The following FPR3 variants were observed in gnomAD, a reference collection of about 807,000 sequenced individuals.
FPR3 encodes formyl peptide receptor 3.
For synonymous variants in FPR3, 135 were observed against 163.6 expected, an observed-to-expected ratio of 0.83 and a Z score of 1.34; for missense variants, 346 against 443.2, an observed-to-expected ratio of 0.78 and a Z score of 1.97.
At chr19:51,817,912 C>A (rs998263792) in intron 1 of FPR3, 1 of 152,190 alleles carries the variant, frequency 6.6e-6, no homozygotes, top group Admixed American at 6.5e-5. Context: ...AACTCTGGAG[C>A]AGGGCTGTGC....
chr19:51,824,556 G>C lies in FPR3; in HGVS notation c.808G>C (p.Glu270Gln), dbSNP rs2084217691. 1 of 1,614,172 alleles carries C rather than the reference G, an allele frequency of 6.2e-7. No individual in the cohort carries two copies. Among genetic ancestry groups the C allele is most frequent in the Admixed American group, 1.7e-5 (1 of 60,026 alleles). Residue 270 changes from glutamate (E) to glutamine (Q), a missense_variant, in exon 2 of 2, where the codon GAG (glutamate) becomes CAG (glutamine). By Grantham distance (29) the Glu-to-Gln change is conservative. Coordinates refer to ENST00000339223, the MANE Select transcript of FPR3 (RefSeq NM_002030.5). The surrounding 1 kb of genome is among the most constrained non-coding windows in gnomAD (Gnocchi z 4.7). Reference protein sequence around the residue: ...IGILMAVWLKEMLLNGKYKII... With the variant: ...IGILMAVWLKQMLLNGKYKII... ...CATTCTAATGGCAGTCTGGCTCAAA[G>C]AGATGTTGTTAAATGGCAAATACAA...
intron 1 of FPR3, among the ~76,000 whole-genome samples, chr19:51,795,546 C>T (rs1471326324): frequency 6.7e-5 from 5 of 74,738 alleles, no homozygotes; most frequent in African/African-American, 1.2e-4. Context: ...TGGAGTCTTG[C>T]GCTGTCACCC....
At chr19:51,802,608 G>C (rs995628201) in intron 1 of FPR3, among the ~76,000 whole-genome samples, 7 of 152,172 alleles carry the variant, frequency 4.6e-5, no homozygotes, top group African/African-American at 1.4e-4. Context: ...CAAGAAAACA[G>C]AAAGAGTGGT....
intron 1 of FPR3, 117 bp from the exon 2 acceptor site, chr19:51,823,622 C>T: frequency 1.3e-6 from 1 of 780,530 alleles, no homozygotes; most frequent in East Asian, 2.7e-5. Context: ...TAACCATTCA[C>T]AAGGCTCACT....
At chr19:51,809,330 G>A (rs1432410320) in intron 1 of FPR3, among the ~76,000 whole-genome samples, 1 of 152,194 alleles carries the variant, frequency 6.6e-6, no homozygotes, top group East Asian at 1.9e-4. Flanking sequence ...TTAATTGCAA[G>A]GGCCAGGATG....
chr19:51,808,841 T>C (rs1346528871), intron 1 of FPR3, among the ~76,000 whole-genome samples: 2 of 152,224 alleles, frequency 1.3e-5, no homozygotes, highest in Non-Finnish European at 2.9e-5. Flanking sequence ...AATTCCAAGC[T>C]TATGTGTCCG....
intron 1 of FPR3, among the ~76,000 whole-genome samples, chr19:51,813,119 AAC>A (rs35245083): frequency 0.053 from 7,298 of 136,736 alleles, 153 homozygotes; most frequent in African/African-American, 0.078. Flanking sequence ...GCTCTGTCTC[AAC>A]ACACACACAC....
At chr19:51,822,623 A>C (rs2084198672) in intron 1 of FPR3, among the ~76,000 whole-genome samples, 1 of 152,216 alleles carries the variant, frequency 6.6e-6, no homozygotes. Flanking sequence ...AATATTACAG[A>C]GCTACTATGC....
intron 1 of FPR3, among the ~76,000 whole-genome samples, chr19:51,821,762 G>A (rs893337541): frequency 2.0e-5 from 3 of 151,884 alleles, no homozygotes; most frequent in Middle Eastern, 3.4e-3. Context: ...TCCACTGACC[G>A]GCTGGACATG....
At chr19:51,817,401 G>C (rs2084145518) in intron 1 of FPR3, among the ~76,000 whole-genome samples, 1 of 152,132 alleles carries the variant, frequency 6.6e-6, no homozygotes, top group Non-Finnish European at 1.5e-5. Context: ...GAGAGAGAGA[G>C]AGAGAGAAAA....
At chr19:51,821,703 A>G (rs1471990286) in intron 1 of FPR3, among the ~76,000 whole-genome samples, 1 of 152,116 alleles carries the variant, frequency 6.6e-6, no homozygotes, top group African/African-American at 2.4e-5. Context: ...TAGAGTTGCA[A>G]CGGTAGTGGC....
intron 1 of FPR3, chr19:51,817,915 G>T (rs768699026): frequency 1.3e-5 from 2 of 152,040 alleles, no homozygotes; most frequent in Non-Finnish European, 2.9e-5. Context: ...TCTGGAGCAG[G>T]GCTGTGCGAT....
intron 1 of FPR3, among the ~76,000 whole-genome samples, chr19:51,795,881 T>C (rs1250493491): frequency 1.3e-5 from 2 of 151,798 alleles, no homozygotes; most frequent in East Asian, 3.9e-4. Flanking sequence ...GTGTTTTACT[T>C]TTTTAAAAAC....
intron 1 of FPR3, among the ~76,000 whole-genome samples, chr19:51,814,292 T>G (rs1195924786): frequency 6.6e-6 from 1 of 152,196 alleles, no homozygotes; most frequent in Non-Finnish European, 1.5e-5. Context: ...GATTTAGACC[T>G]TTAACTCTTC....
chr19:51,812,556 C>T (rs1266082909), intron 1 of FPR3, among the ~76,000 whole-genome samples: 1 of 152,126 alleles, frequency 6.6e-6, no homozygotes, highest in African/African-American at 2.4e-5. Flanking sequence ...TTCTACAGAC[C>T]CTCAGCTACA....
intron 1 of FPR3, among the ~76,000 whole-genome samples, chr19:51,808,450 C>A (rs1296175262): frequency 6.6e-6 from 1 of 152,156 alleles, no homozygotes; most frequent in Non-Finnish European, 1.5e-5. Context: ...AAAAGAATAT[C>A]ATCCATATAA....
intron 1 of FPR3, among the ~76,000 whole-genome samples, chr19:51,796,903 A>G (rs549933851): frequency 9.2e-5 from 14 of 152,312 alleles, no homozygotes; most frequent in Admixed American, 7.2e-4. Flanking sequence ...AAGACAGCAT[A>G]ATGGTTTAAT....
At chr19:51,805,936 C>T (rs914327352) in intron 1 of FPR3, among the ~76,000 whole-genome samples, 1 of 152,062 alleles carries the variant, frequency 6.6e-6, no homozygotes, top group Non-Finnish European at 1.5e-5. Flanking sequence ...GGGATGCAAC[C>T]TAAAATCATC....
chr19:51,805,606 C>T (rs1194783704), intron 1 of FPR3, among the ~76,000 whole-genome samples: 1 of 152,174 alleles, frequency 6.6e-6, no homozygotes, highest in Non-Finnish European at 1.5e-5. Context: ...TATACTTGTT[C>T]CCCTAACCAC....
Sources: gnomAD v4.1 joint callset for allele counts (sites outside exome capture counted in the v4.1 genomes callset) on GRCh38, gnomAD v4.1.1 for gene constraint, Gnocchi (gnomAD v3.1) non-coding constraint, MANE v1.5 for transcripts, NCBI Gene and HGNC (gene_info 2026-07-23, HGNC 2026-07-21) for gene names.